Variants in ADAMTS17 observed in about 807,000 individuals in gnomAD.
ADAMTS17 encodes the protein A disintegrin and metalloproteinase with thrombospondin motifs 17.
Under a neutral mutation model 141.5 loss-of-function variants are expected in ADAMTS17, and 113 were observed. That is an observed-to-expected ratio of 0.80 (90% CI 0.69 to 0.93). The LOEUF is 0.93. Among genes scored for constraint, ADAMTS17 ranks in the 40% least tolerant of loss-of-function variants. The pLI, the probability that ADAMTS17 is intolerant of heterozygous loss-of-function variation, is 0.00. For missense variants in ADAMTS17, 1,659 were observed against 1,517.9 expected (o/e 1.09, Z -1.54); for synonymous variants, 768 against 630.6 (o/e 1.22, Z -3.27).
At chr15:100,003,675 T>C (rs1287472689) in intron 18 of ADAMTS17, among the ~76,000 whole-genome samples, 1 of 152,108 alleles carries the variant, frequency 6.6e-6, no homozygotes, top group Non-Finnish European at 1.5e-5. Flanking sequence ...AGTATATGCA[T>C]ACAAGGGAAT....
chr15:100,145,229 C>T (rs1217656370), intron 10 of ADAMTS17, among the ~76,000 whole-genome samples: 1 of 152,174 alleles, frequency 6.6e-6, no homozygotes, highest in African/African-American at 2.4e-5. Flanking sequence ...AGGGGCTTAC[C>T]AGTTCTTAGC....
intron 7 of ADAMTS17, among the ~76,000 whole-genome samples, chr15:100,200,459 C>A (rs1402042138): frequency 1.3e-5 from 2 of 151,814 alleles, no homozygotes; most frequent in East Asian, 3.9e-4. Context: ...CACAGTACTC[C>A]CCGCACCCAG....
chr15:100,097,260 T>C (rs1435218254), intron 14 of ADAMTS17, among the ~76,000 whole-genome samples: 1 of 152,248 alleles, frequency 6.6e-6, no homozygotes, highest in African/African-American at 2.4e-5. Context: ...ATTGCCTAAA[T>C]GTCCCTCCAC....
At chr15:100,114,769 A>G (rs1225252546) in intron 13 of ADAMTS17, among the ~76,000 whole-genome samples, 2 of 152,236 alleles carry the variant, frequency 1.3e-5, no homozygotes, top group East Asian at 3.8e-4. Flanking sequence ...AGAGAGCCAC[A>G]CCGCAAGGCT....
chr15:100,130,122 T>C (rs965639529), intron 12 of ADAMTS17, among the ~76,000 whole-genome samples: 1 of 152,162 alleles, frequency 6.6e-6, no homozygotes, highest in Admixed American at 6.5e-5. Context: ...CCCAGCATTT[T>C]GGGAGGCAGA....
At chr15:100,176,467 C>G (rs1177217609) in intron 8 of ADAMTS17, among the ~76,000 whole-genome samples, 4 of 152,090 alleles carry the variant, frequency 2.6e-5, no homozygotes, top group Non-Finnish European at 5.9e-5. Context: ...TAAAGATGCT[C>G]AAGGCATTTT....
At chr15:100,052,129 A>C (rs2032196864) in intron 16 of ADAMTS17, among the ~76,000 whole-genome samples, 1 of 152,242 alleles carries the variant, frequency 6.6e-6, no homozygotes, top group Admixed American at 6.5e-5. Flanking sequence ...GACACAGATA[A>C]ACTTTTACCT....
rs201118635 is a variant in ADAMTS17 at position 99,987,410 on chromosome 15, C to G, written c.2949+5638G>C. 3.9e-5 allele frequency among the ~76,000 whole-genome samples: 6 copies of G among 152,338 alleles called. No individual in the cohort carries two copies. The East Asian group carries it at 9.6e-4, about 24-fold the overall frequency. ...ACAACCTTCCACAACTACAGTGATA[C>G]ACGGATAGTGTTCAGCCTTCTCTCT... On this transcript the variant is annotated intron_variant, in intron 20 of 21. Coordinates refer to ENST00000268070, the MANE Select transcript of ADAMTS17 (RefSeq NM_139057.4).
chr15:100,192,381 G>A (rs1425645956), intron 8 of ADAMTS17, among the ~76,000 whole-genome samples: 2 of 152,216 alleles, frequency 1.3e-5, no homozygotes, highest in African/African-American at 2.4e-5. Flanking sequence ...CCTTCCTGGG[G>A]GGAGGCACCC....
At position 100,177,653 on chromosome 15, in the gene ADAMTS17, CG is replaced by C. The variant is rs200351823; in HGVS notation, c.1181+21664del. On this transcript the variant is annotated intron_variant, in intron 8 of 21. Coordinates refer to ENST00000268070, the MANE Select transcript of ADAMTS17 (RefSeq NM_139057.4). ...GATGAAGTGTTCTATAAATGTCCGT[CG>C]GATCCTGTTGGTTGATGTTTGGTTC... Among the ~76,000 whole-genome samples the C allele has an allele frequency of 6.2e-3, 951 of 152,232 alleles. 9 individuals are homozygous for C. The highest frequency in any genetic ancestry group is 0.022 in the African/African-American group (900 of 41,540).
At chr15:100,109,950 T>A (rs751631795) in intron 13 of ADAMTS17, among the ~76,000 whole-genome samples, 40 of 152,078 alleles carry the variant, frequency 2.6e-4, no homozygotes, top group Non-Finnish European at 5.3e-4. Context: ...AGCAACAGCA[T>A]CTGCCTGTTG....
At chr15:100,169,771 A>G (rs75042233) in intron 8 of ADAMTS17, among the ~76,000 whole-genome samples, 6,381 of 152,338 alleles carry the variant, frequency 0.042, 201 homozygotes, top group East Asian at 0.17. Flanking sequence ...TAGAGGTGGA[A>G]AGCCGGGGGC....
At chr15:100,069,191 G>C (rs2141711513) in intron 15 of ADAMTS17, among the ~76,000 whole-genome samples, 1 of 152,234 alleles carries the variant, frequency 6.6e-6, no homozygotes, top group East Asian at 1.9e-4. Context: ...GAAGTTTAGA[G>C]AAAAAAGAAT....
At chr15:100,296,897 A>G (rs932068743) in intron 3 of ADAMTS17, among the ~76,000 whole-genome samples, 8 of 152,374 alleles carry the variant, frequency 5.3e-5, no homozygotes, top group Admixed American at 5.2e-4. Context: ...TGTGCTAGGT[A>G]CTGCCACAAT....
intron 15 of ADAMTS17, among the ~76,000 whole-genome samples, chr15:100,059,022 T>C (rs578100601): frequency 6.6e-6 from 1 of 152,162 alleles, no homozygotes; most frequent in Non-Finnish European, 1.5e-5. Context: ...CCATGACAGA[T>C]TTTGCTATCC....
chr15:100,336,837 G>A (rs1975454), intron 2 of ADAMTS17, among the ~76,000 whole-genome samples: 141,656 of 152,294 alleles, frequency 0.93, 66,147 homozygotes, highest in Middle Eastern at 0.98. Flanking sequence ...AGTCGTACAC[G>A]TGCAGGCTGC....
At chr15:99,999,765 C>T (rs28523387) in intron 18 of ADAMTS17, among the ~76,000 whole-genome samples, 2,126 of 152,218 alleles carry the variant, frequency 0.014, 58 homozygotes, top group African/African-American at 0.048. Context: ...GAGGCTCCTA[C>T]GGCAGTCCCA....
At chr15:100,000,381 C>A (rs553153805) in intron 18 of ADAMTS17, among the ~76,000 whole-genome samples, 4 of 152,314 alleles carry the variant, frequency 2.6e-5, no homozygotes, top group East Asian at 3.9e-4. Flanking sequence ...GATGTTCAAT[C>A]CCTCCCATTC....
intron 8 of ADAMTS17, among the ~76,000 whole-genome samples, chr15:100,161,943 G>T (rs1041195293): frequency 2.0e-5 from 3 of 152,348 alleles, no homozygotes; most frequent in African/African-American, 7.2e-5. Flanking sequence ...CAGGGATTCA[G>T]CAATAAGGCG....
Sources: allele counts gnomAD v4.1 joint callset (sites outside exome capture counted in the v4.1 genomes callset), GRCh38; gene constraint gnomAD v4.1.1; transcripts MANE v1.5; gene names NCBI Gene and HGNC (gene_info 2026-07-23, HGNC 2026-07-21).